Variants in MSN observed in about 807,000 individuals in gnomAD.
MSN encodes moesin, also known as epididymis luminal protein 70.
Under a neutral mutation model 48.0 loss-of-function variants are expected in MSN, and 2 were observed. That is an observed-to-expected ratio of 0.04 (90% CI 0.02 to 0.13). MSN has a LOEUF of 0.13. MSN is among the 10% of genes least tolerant of loss of function. MSN has a pLI of 1.00. For synonymous variants in MSN, 146 were observed against 166.9 expected (o/e 0.87, Z 0.97); for missense variants, 267 against 470.1 (o/e 0.57, Z 3.99).
chrX:65,629,617 T>C (rs915456995), intron 1 of MSN, among the ~76,000 whole-genome samples: 1 of 111,703 alleles, frequency 9.0e-6, no homozygotes, highest in African/African-American at 3.3e-5. Flanking sequence ...CTCAGAACCA[T>C]GGCAGGAGGT....
chrX:65,602,363 A>G (rs2070242935), intron 1 of MSN, among the ~76,000 whole-genome samples: 1 of 111,740 alleles, frequency 8.9e-6, no homozygotes, highest in African/African-American at 3.3e-5. Flanking sequence ...CAGTTCAGGA[A>G]CACCCATCAT....
chrX:65,619,453 T>C (rs2070411524), intron 1 of MSN, among the ~76,000 whole-genome samples: 1 of 99,173 alleles, frequency 1.0e-5, no homozygotes, highest in African/African-American at 5.2e-5. Flanking sequence ...TTCATTTCAT[T>C]CATTTCATCT....
intron 2 of MSN, among the ~76,000 whole-genome samples, chrX:65,717,705 C>A: frequency 8.9e-6 from 1 of 111,935 alleles, no homozygotes; most frequent in Admixed American, 9.5e-5. Flanking sequence ...AGGCTGGGAC[C>A]TCACCAGACA....
chrX:65,614,972 G>C (rs1304868139), intron 1 of MSN, among the ~76,000 whole-genome samples: 1 of 93,879 alleles, frequency 1.1e-5, no homozygotes, highest in African/African-American at 4.0e-5. Context: ...TTTTGTTCTT[G>C]TGATAGTTTA....
At chrX:65,716,936 C>T (rs1297976561) in intron 2 of MSN, 35 bp downstream of exon 2, 1 of 1,121,753 alleles carries the variant, frequency 8.9e-7, no homozygotes, top group Non-Finnish European at 1.2e-6. Flanking sequence ...CTCTCCTTCT[C>T]TGAATAGCTT....
At chrX:65,718,760 G>GT (rs557228201) in intron 2 of MSN, among the ~76,000 whole-genome samples, 2 of 104,062 alleles carry the variant, frequency 1.9e-5, no homozygotes, top group South Asian at 8.4e-4. Flanking sequence ...CAAGGTTACA[G>GT]TGAGCTATGA....
chrX:65,718,498 C>T (rs894635615), intron 2 of MSN, among the ~76,000 whole-genome samples: 1 of 111,522 alleles, frequency 9.0e-6, no homozygotes, highest in African/African-American at 3.3e-5. Context: ...ATGATAGCTC[C>T]CTTTCCAATA....
chrX:65,614,009 T>C (rs1490789193), intron 1 of MSN, among the ~76,000 whole-genome samples: 1 of 111,506 alleles, frequency 9.0e-6, no homozygotes, highest in African/African-American at 3.3e-5. Context: ...TTTTAGGTCT[T>C]ACATTTAGGT....
intron 1 of MSN, among the ~76,000 whole-genome samples, chrX:65,590,547 G>GTGCT (rs765705909): frequency 9.0e-6 from 1 of 111,436 alleles, no homozygotes; most frequent in East Asian, 2.8e-4. Context: ...ACTTGGCATG[G>GTGCT]TGCTTGGGAC....
intron 10 of MSN, 31 bp downstream of exon 10, chrX:65,737,369 G>C: frequency 8.5e-7 from 1 of 1,180,521 alleles, no homozygotes; most frequent in Non-Finnish European, 1.1e-6. Context: ...GGGATTATGG[G>C]AACTGAACTT....
chrX:65,692,094 A>T (rs2071178647), intron 1 of MSN, among the ~76,000 whole-genome samples: 1 of 112,126 alleles, frequency 8.9e-6, no homozygotes, highest in African/African-American at 3.2e-5. Context: ...ACCTTTTCTG[A>T]GGGAATAGGG....
chrX:65,702,492 C>G (rs1012254150), intron 1 of MSN, among the ~76,000 whole-genome samples: 16 of 107,290 alleles, frequency 1.5e-4, no homozygotes, highest in African/African-American at 5.4e-4. Flanking sequence ...AGGGTGAAAC[C>G]CCTTCTCTAC....
chrX:65,611,639 C>T (rs2070321510), intron 1 of MSN, among the ~76,000 whole-genome samples: 2 of 111,932 alleles, frequency 1.8e-5, no homozygotes, highest in Admixed American at 9.5e-5. Flanking sequence ...GTTGCTTCTA[C>T]CTTTCAGCTA....
intron 1 of MSN, among the ~76,000 whole-genome samples, chrX:65,690,783 C>T (rs1227526312): frequency 1.8e-5 from 2 of 111,463 alleles, no homozygotes; most frequent in Non-Finnish European, 3.8e-5. Context: ...AGGGAGTGAG[C>T]CCAGCCATAG....
chrX:65,590,191 C>A (rs529093875), intron 1 of MSN, among the ~76,000 whole-genome samples: 1 of 111,327 alleles, frequency 9.0e-6, no homozygotes, highest in African/African-American at 3.3e-5. Context: ...AGCTGCACTG[C>A]CCTGCCAACA....
intron 1 of MSN, among the ~76,000 whole-genome samples, chrX:65,674,444 A>G (rs2070975902): frequency 9.0e-6 from 1 of 111,313 alleles, no homozygotes; most frequent in African/African-American, 3.3e-5. Context: ...GATTACATTA[A>G]CAAGATGGGT....
chrX:65,736,792 TAG>T lies in MSN; in HGVS notation c.960-2_960-1del. ...GTTCTATCCATTTTATCTCCTTCCCTAGTGCTATGCTGGAAAATGAGAAGAAG... is the reference window on the plus strand; with the variant it reads ...GTTCTATCCATTTTATCTCCTTCCCTTGCTATGCTGGAAAATGAGAAGAAG... On this transcript the variant is annotated splice_acceptor_variant, in intron 8 of 12. Coordinates refer to ENST00000360270, the MANE Select transcript of MSN (RefSeq NM_002444.3). LOFTEE classifies it high-confidence loss of function. The T allele has an allele frequency of 8.6e-7, 1 of 1,161,743 alleles. No homozygotes were observed. Among genetic ancestry groups the T allele is most frequent in the Non-Finnish European group, 1.2e-6 (1 of 868,721 alleles).
chrX:65,649,004 TAA>T (rs1252158431), intron 1 of MSN, among the ~76,000 whole-genome samples: 1 of 110,666 alleles, frequency 9.0e-6, no homozygotes, highest in Admixed American at 9.7e-5. Context: ...CCACTGTCCG[TAA>T]GTGGCCAAGT....
chrX:65,647,580 G>A (rs982010654), intron 1 of MSN, among the ~76,000 whole-genome samples: 16 of 112,745 alleles, frequency 1.4e-4, no homozygotes, highest in Non-Finnish European at 2.8e-4. Flanking sequence ...AGTTCCACAA[G>A]TAGTGATATT....
Sources: allele counts gnomAD v4.1 joint callset (sites outside exome capture counted in the v4.1 genomes callset), GRCh38; gene constraint gnomAD v4.1.1; transcripts MANE v1.5; gene names NCBI Gene and HGNC (gene_info 2026-07-23, HGNC 2026-07-21).